Variants in FRMD4B observed in about 807,000 individuals in gnomAD.
FRMD4B encodes FERM domain-containing protein 4B.
FRMD4B carries 74 observed loss-of-function variants against 141.5 expected under a neutral mutation model. The observed-to-expected ratio is 0.52, with a 90% confidence interval of 0.43 to 0.63. The LOEUF (loss-of-function observed/expected upper bound fraction) is 0.63, where lower values mean the gene tolerates loss of function less well. Ranked by LOEUF, FRMD4B falls within the 30% of genes least tolerant of loss-of-function variation. The probability of loss-of-function intolerance (pLI) is 0.00; values close to 1 mark genes in which losing one functional copy is unlikely to be tolerated. For missense variants in FRMD4B, 1,366 were observed against 1,253.4 expected, an observed-to-expected ratio of 1.09 and a Z score of -1.36; for synonymous variants, 506 against 467.9, an observed-to-expected ratio of 1.08 and a Z score of -1.05.
chr3:69,469,356 G>A (rs1301153991), intron 1 of FRMD4B, among the ~76,000 whole-genome samples: 1 of 152,144 alleles, frequency 6.6e-6, no homozygotes, highest in Non-Finnish European at 1.5e-5. Context: ...ACTCAGAAAT[G>A]TAAGCAAAAT....
chr3:69,418,540 C>T (rs753132359), intron 2 of FRMD4B, among the ~76,000 whole-genome samples: 6 of 152,124 alleles, frequency 3.9e-5, no homozygotes, highest in Non-Finnish European at 7.3e-5. Context: ...CAGATTAGAG[C>T]GAAAGACGTT....
intron 1 of FRMD4B, among the ~76,000 whole-genome samples, chr3:69,348,355 C>A (rs1423833676): frequency 2.6e-5 from 4 of 151,904 alleles, no homozygotes; most frequent in Non-Finnish European, 4.4e-5. Flanking sequence ...GCCTACCAAC[C>A]AAAAAAAGTC....
intron 5 of FRMD4B, among the ~76,000 whole-genome samples, chr3:69,277,481 T>C (rs1272172622): frequency 6.6e-6 from 1 of 151,080 alleles, no homozygotes; most frequent in East Asian, 1.9e-4. Flanking sequence ...TGATATGGTA[T>C]ATGTCTTGAA....
chr3:69,303,040 C>G (rs1701268004), intron 3 of FRMD4B, among the ~76,000 whole-genome samples: 1 of 152,158 alleles, frequency 6.6e-6, no homozygotes, highest in South Asian at 2.1e-4. Flanking sequence ...CACCATTGCA[C>G]TCCAGCCTGG....
intron 1 of FRMD4B, among the ~76,000 whole-genome samples, chr3:69,479,139 A>T (rs2106974828): frequency 6.7e-6 from 1 of 149,044 alleles, no homozygotes. Flanking sequence ...CAGCACACTG[A>T]TGGGTCTTGA....
intron 1 of FRMD4B, among the ~76,000 whole-genome samples, chr3:69,475,571 G>A (rs1468856220): frequency 6.6e-6 from 1 of 152,084 alleles, no homozygotes; most frequent in Non-Finnish European, 1.5e-5. Flanking sequence ...ATTCCATGGT[G>A]TATATGTGCC....
intron 1 of FRMD4B, among the ~76,000 whole-genome samples, chr3:69,440,622 T>C (rs936466952): frequency 2.6e-5 from 4 of 152,134 alleles, no homozygotes; most frequent in African/African-American, 9.7e-5. Context: ...CTGGCCAACG[T>C]GGGGAAAACC....
intron 5 of FRMD4B, among the ~76,000 whole-genome samples, chr3:69,263,396 CTTTTTT>C (rs67497031): frequency 0.052 from 3,815 of 73,078 alleles, 93 homozygotes; most frequent in East Asian, 0.16. Context: ...GTTACATGCA[CTTTTTT>C]TTTTTTTTTT....
chr3:69,224,642 G>T lies in FRMD4B; in HGVS notation c.630C>A (p.Thr210=), dbSNP rs1488733628. The change falls in exon 8 of 23, where the codon ACC becomes ACA. Residue 210 remains threonine, a synonymous_variant. Coordinates refer to ENST00000398540, the MANE Select transcript of FRMD4B (RefSeq NM_015123.3). ...GGGATGGATGCTCCTGAAGAGTTTT[G>T]GTTGGAAAGGCTGGTAATGTCTTTA... is the stretch of plus-strand genomic sequence containing the variant. ...KDLKTLPAFP[T]KTLQEHPSLA... 1 of 1,586,122 alleles carries T rather than the reference G, an allele frequency of 6.3e-7. No individual in the cohort carries two copies. The highest frequency in any genetic ancestry group is 8.6e-7 in the Non-Finnish European group (1 of 1,159,950).
At chr3:69,505,054 A>T (rs1706572316) in intron 1 of FRMD4B, among the ~76,000 whole-genome samples, 1 of 150,044 alleles carries the variant, frequency 6.7e-6, no homozygotes, top group Admixed American at 6.7e-5. Context: ...AGAGACTCTG[A>T]TGGACAAGGA....
intron 11 of FRMD4B, among the ~76,000 whole-genome samples, chr3:69,214,877 T>C (rs1409537779): frequency 2.6e-5 from 1 of 38,072 alleles, no homozygotes; most frequent in Non-Finnish European, 5.6e-5. Flanking sequence ...ATAATAATAA[T>C]AATGAATTTT....
intron 11 of FRMD4B, among the ~76,000 whole-genome samples, chr3:69,204,387 T>G (rs1217852971): frequency 6.6e-6 from 1 of 152,174 alleles, no homozygotes; most frequent in African/African-American, 2.4e-5. Flanking sequence ...TAATGGCAAC[T>G]CATAGTACCT....
chr3:69,198,447 G>A, intron 12 of FRMD4B: 1 of 441,344 alleles, frequency 2.3e-6, no homozygotes, highest in Non-Finnish European at 4.0e-6. Context: ...AAGTGTCGGT[G>A]AGGATGTGTC....
At position 69,181,102 on chromosome 3, in the gene FRMD4B, G is replaced by A. The variant is rs769309837; in HGVS notation, c.2648C>T (p.Ser883Leu). ...GTGGATGTTTTTGGTGATGTGCTCC[G>A]ATTTTGCAGCAGCCTTCCTTGGCAG... is the stretch of plus-strand genomic sequence containing the variant. ...LRLPRKAAAK[S>L]EHITKNIHKA... The change falls in exon 21 of 23, where the codon TCG becomes TTG. Residue 883 changes from serine (S) to leucine (L), a missense_variant. Coordinates refer to ENST00000398540, the MANE Select transcript of FRMD4B (RefSeq NM_015123.3). 272 of 1,613,852 alleles carry A rather than the reference G, an allele frequency of 1.7e-4. 1 individual carries two copies. The highest frequency in any genetic ancestry group is 2.2e-4 in the Non-Finnish European group (260 of 1,179,882).
chr3:69,265,184 G>A (rs2093552749), intron 5 of FRMD4B, among the ~76,000 whole-genome samples: 1 of 138,358 alleles, frequency 7.2e-6, no homozygotes, highest in Non-Finnish European at 1.5e-5. Context: ...GAACCCAGGA[G>A]GTGGAGCTTG....
At position 69,320,707 on chromosome 3, in the gene FRMD4B, C is replaced by G. The variant is rs552813546; in HGVS notation, c.163-7190G>C. On this transcript the variant is annotated intron_variant, in intron 1 of 22. Coordinates refer to ENST00000398540, the MANE Select transcript of FRMD4B (RefSeq NM_015123.3). ...GAATAGTTTCAGAATTGACCCCTAC[C>G]TAGTGGCAGCTAATAGCAGCAATGC... Among the ~76,000 whole-genome samples the G allele has an allele frequency of 5.9e-5, 9 of 152,270 alleles. 1 individual carries two copies. The South Asian group carries it at 1.9e-3, about 32-fold the overall frequency.
chr3:69,363,575 G>T (rs1424661691), intron 1 of FRMD4B, among the ~76,000 whole-genome samples: 1 of 151,878 alleles, frequency 6.6e-6, no homozygotes. Context: ...ATTTTTAGTA[G>T]AGACGGAATT....
chr3:69,378,120 C>CT (rs1214766789), intron 1 of FRMD4B, among the ~76,000 whole-genome samples: 2 of 151,892 alleles, frequency 1.3e-5, no homozygotes, highest in Admixed American at 1.3e-4. Flanking sequence ...AATCCTACTT[C>CT]TTTTTTATTC....
At chr3:69,346,928 G>A (rs1462043648) in intron 1 of FRMD4B, among the ~76,000 whole-genome samples, 4 of 152,096 alleles carry the variant, frequency 2.6e-5, no homozygotes, top group Non-Finnish European at 4.4e-5. Flanking sequence ...ATCAACTAAC[G>A]AGCAAAATAA....
Sources: gnomAD v4.1 joint callset for allele counts (sites outside exome capture counted in the v4.1 genomes callset) on GRCh38, gnomAD v4.1.1 for gene constraint, MANE v1.5 for transcripts, NCBI Gene and HGNC (gene_info 2026-07-23, HGNC 2026-07-21) for gene names.